The following PEX1 variants were observed in gnomAD, a reference collection of about 807,000 sequenced individuals.
PEX1 encodes the protein peroxisomal ATPase PEX1.
Under a neutral mutation model 152.5 loss-of-function variants are expected in PEX1, and 97 were observed. The observed-to-expected ratio is 0.64, with a 90% CI of 0.54 to 0.75. The LOEUF is 0.75. Ranked by LOEUF, PEX1 falls within the 30% of genes least tolerant of loss-of-function variation. PEX1 has a pLI of 0.00. For synonymous variants in PEX1, 485 were observed against 531.6 expected, an observed-to-expected ratio of 0.91 and a Z score of 1.21; for missense variants, 1,357 against 1,516.3, an observed-to-expected ratio of 0.89 and a Z score of 1.74.
chr7:92,511,554 A>G (rs765055938), intron 7 of PEX1, 26 bp downstream of exon 7: 12 of 1,586,308 alleles, frequency 7.6e-6, no homozygotes, highest in Admixed American at 1.7e-5. Flanking sequence ...AATAGAAAAA[A>G]AAGTCAAAAT....
intron 3 of PEX1, 77 bp from the exon 4 acceptor site, chr7:92,518,332 C>A: frequency 1.0e-6 from 1 of 966,708 alleles, no homozygotes; most frequent in Non-Finnish European, 1.7e-6. Flanking sequence ...AATCTCAATT[C>A]TTTTTTTAAA....
At chr7:92,509,457 T>G in intron 8 of PEX1, 46 bp from the exon 9 acceptor site, 1 of 1,380,866 alleles carries the variant, frequency 7.2e-7, no homozygotes, top group Non-Finnish European at 1.0e-6. Context: ...AAGTATGTCT[T>G]TTGCATGTTT....
chr7:92,506,963 A>G, intron 10 of PEX1, 31 bp downstream of exon 10: 1 of 1,610,144 alleles, frequency 6.2e-7, no homozygotes, highest in Non-Finnish European at 8.5e-7. Flanking sequence ...ATTAAATGTT[A>G]CAGAAAAATG....
chr7:92,490,200 T>C, intron 21 of PEX1: 2 of 384,374 alleles, frequency 5.2e-6, no homozygotes, highest in South Asian at 6.6e-5. Context: ...AGGACAGGTT[T>C]CTTCATTTTC....
intron 16 of PEX1, 75 bp downstream of exon 16, chr7:92,499,629 T>G: frequency 7.7e-7 from 1 of 1,290,714 alleles, no homozygotes; most frequent in Admixed American, 1.7e-5. Context: ...GCCAGTGAAT[T>G]TACACTTTGA....
intron 10 of PEX1, 35 bp from the exon 11 acceptor site, chr7:92,506,379 T>C (rs753235578): frequency 5.7e-5 from 73 of 1,269,700 alleles, no homozygotes; most frequent in Admixed American, 1.7e-5. Flanking sequence ...ATTCCCAATA[T>C]ATTCAGTCAC....
intron 5 of PEX1, among the ~76,000 whole-genome samples, chr7:92,516,188 G>A (rs1792777649): frequency 6.6e-6 from 1 of 152,158 alleles, no homozygotes; most frequent in East Asian, 1.9e-4. Context: ...CACTTTGGGA[G>A]GCCGAGGCAG....
At chr7:92,512,782 G>A (rs1227246563) in intron 6 of PEX1, among the ~76,000 whole-genome samples, 1 of 151,992 alleles carries the variant, frequency 6.6e-6, no homozygotes, top group Non-Finnish European at 1.5e-5. Context: ...GAGCTACCAC[G>A]CCTGGCTTAA....
At chr7:92,516,058 A>AGAGAAGAGAAGAGAAGAG (rs1792748270) in intron 5 of PEX1, among the ~76,000 whole-genome samples, 1 of 64,890 alleles carries the variant, frequency 1.5e-5, no homozygotes, top group Non-Finnish European at 3.1e-5. Context: ...GAAGAGAAAA[A>AGAGAAGAGAAGAGAAGAG]AGAAAAGAAA....
intron 5 of PEX1, 41 bp from the exon 6 acceptor site, chr7:92,514,008 G>C (rs765283198): frequency 3.2e-5 from 41 of 1,291,208 alleles, no homozygotes; most frequent in Non-Finnish European, 4.3e-5. Context: ...TATATTCAAA[G>C]CTTGGTTAAG....
chr7:92,525,513 G>C (rs1039250538), intron 1 of PEX1, among the ~76,000 whole-genome samples: 1 of 152,216 alleles, frequency 6.6e-6, no homozygotes, highest in East Asian at 1.9e-4. Context: ...TGAAGCGGTG[G>C]TTCTCAACCA....
In PEX1 at chr7:92,502,966, G is replaced by T. The variant is rs368234554; in HGVS notation, c.2226+75C>A. 33 of 1,269,070 alleles carry T rather than the reference G, an allele frequency of 2.6e-5. 1 individual carries two copies. Among genetic ancestry groups the T allele is most frequent in the East Asian group, 1.5e-4 (6 of 40,552 alleles). The allele number at this position is 1,269,070 out of a possible 1,614,324, so 78.6% of individuals were successfully genotyped here. On this transcript the variant is annotated intron_variant, in intron 13 of 23. Transcript: ENST00000248633. The stretch of plus-strand genomic sequence containing the variant: ...AAGAGAAGCATAAATTTAAAGCCAC[G>T]AATTACTAATAAAATTGAAAAATAA...
chr7:92,502,824 T>G (rs1791995731), intron 13 of PEX1, among the ~76,000 whole-genome samples: 1 of 152,220 alleles, frequency 6.6e-6, no homozygotes, highest in Non-Finnish European at 1.5e-5. Flanking sequence ...AATACCATTT[T>G]CAAAAAAGTC....
chr7:92,497,418 A>G (rs1791703624), intron 16 of PEX1, among the ~76,000 whole-genome samples: 1 of 152,066 alleles, frequency 6.6e-6, no homozygotes, highest in Non-Finnish European at 1.5e-5. Context: ...TAGGAGTTAA[A>G]GAATATATCA....
intron 20 of PEX1, among the ~76,000 whole-genome samples, chr7:92,492,044 T>G (rs531219863): frequency 1.4e-3 from 212 of 152,354 alleles, no homozygotes; most frequent in African/African-American, 4.8e-3. Context: ...AAGTCTATAA[T>G]GTAACAGTTC....
chr7:92,507,314 C>CT lies in PEX1; in HGVS notation c.1671-189dup, dbSNP rs1421158767. 1.5e-5 allele frequency: 8 copies of CT among 525,794 alleles called. No individual in the cohort carries two copies. In the Admixed American group the frequency reaches 1.6e-4, roughly 11 times the overall value. The allele number at this position is 525,794 out of a possible 1,614,324, so 32.6% of individuals were successfully genotyped here. ...AGCGCAGTGGTGTGAACCCAGCTCC[C>CT]TGCAGCCTCAAACGCCCTGGCAAAG... On this transcript the variant is annotated intron_variant, in intron 9 of 23. Coordinates refer to ENST00000248633, the MANE Select transcript of PEX1 (RefSeq NM_000466.3).
chr7:92,495,275 A>G (rs991330699), intron 17 of PEX1, among the ~76,000 whole-genome samples: 1 of 152,188 alleles, frequency 6.6e-6, no homozygotes, highest in African/African-American at 2.4e-5. Flanking sequence ...GGTGGACTAG[A>G]TGTCTGGCGA....
rs774075171 is a variant in PEX1 at position 92,513,963 on chromosome 7, G to A, written c.1244C>T (p.Pro415Leu). The change falls in exon 6 of 24, where the codon CCA becomes CTA. Residue 415 changes from proline (P) to leucine (L), a missense_variant. Transcript: ENST00000248633. ...EVLHLGKVWI[P>L]DDLRKRLNIE... Reference sequence around the variant, plus strand: ...ATTTAGTCTCTTCCTCAGGTCATCTGGAATCTGAAATTTAAAAATAAACAA... The same window carrying A: ...ATTTAGTCTCTTCCTCAGGTCATCTAGAATCTGAAATTTAAAAATAAACAA... 9.0e-6 allele frequency: 14 copies of A among 1,563,820 alleles called. No homozygotes were observed. In the East Asian group the frequency reaches 2.9e-4, roughly 33 times the overall value.
chr7:92,490,099 T>G (rs758418420), intron 21 of PEX1, 188 bp from the exon 22 acceptor site: 3 of 617,208 alleles, frequency 4.9e-6, no homozygotes, highest in Non-Finnish European at 8.6e-6. Flanking sequence ...CACTGATACC[T>G]GTGTTATAGA....
Sources: allele counts gnomAD v4.1 joint callset (sites outside exome capture counted in the v4.1 genomes callset), GRCh38; gene constraint gnomAD v4.1.1; transcripts MANE v1.5; gene names NCBI Gene and HGNC (gene_info 2026-07-23, HGNC 2026-07-21).